The following PCNT variants were observed in gnomAD, a reference collection of about 807,000 sequenced individuals.
PCNT encodes pericentrin, also known as kendrin.
PCNT carries 319 observed loss-of-function variants against 380.4 expected under a neutral mutation model. The observed-to-expected ratio is 0.84, with a 90% confidence interval of 0.77 to 0.92. PCNT has a LOEUF of 0.92. PCNT is among the 40% of genes least tolerant of loss of function. The probability of loss-of-function intolerance (pLI) is 0.00; values close to 1 mark genes in which losing one functional copy is unlikely to be tolerated. For missense variants in PCNT, 4,400 were observed against 4,255.3 expected, an observed-to-expected ratio of 1.03 and a Z score of -0.95; for synonymous variants, 1,845 against 1,735.2, an observed-to-expected ratio of 1.06 and a Z score of -1.57.
At chr21:46,411,079 G>A (rs556901459) in intron 27 of PCNT, 110 bp from the exon 28 acceptor site, 38 of 1,150,630 alleles carry the variant, frequency 3.3e-5, no homozygotes, top group East Asian at 2.6e-4. Context: ...TGTTTTTCAC[G>A]CTATGGAGTC....
intron 2 of PCNT, among the ~76,000 whole-genome samples, chr21:46,334,191 C>T (rs1290303605): frequency 7.1e-6 from 1 of 141,602 alleles, no homozygotes; most frequent in African/African-American, 2.7e-5. Context: ...GGCGACAGAG[C>T]AAGACTCCGT....
Position 46,411,710 on chromosome 21 carries a change from T to C in PCNT, c.5637T>C (p.Ala1879=), listed in dbSNP as rs1438723441. 39 of 1,612,582 alleles carry C rather than the reference T, an allele frequency of 2.4e-5. No homozygotes were observed. The highest frequency in any genetic ancestry group is 6.7e-5 in the African/African-American group (5 of 74,930). ...CCGAGAGAAATTTAGAAATCGACGC[T>C]CTGAACCAGCGGAAGGCGGCCCACT... The part of the protein sequence containing the change: ...TIAERNLEID[A]LNQRKAAHSA... The change falls in exon 28 of 47, where the codon GCT becomes GCC. Residue 1879 remains alanine, a synonymous_variant. Transcript: ENST00000359568.
At position 46,425,902 on chromosome 21, in the gene PCNT, C is replaced by T. The variant is rs375281929; in HGVS notation, c.7251C>T (p.Ser2417=). 32 of 1,613,822 alleles carry T rather than the reference C, an allele frequency of 2.0e-5. No homozygotes were observed. Among genetic ancestry groups the T allele is most frequent in the Middle Eastern group, 1.6e-4 (1 of 6,062 alleles). The change falls in exon 33 of 47, where the codon AGC becomes AGT. Residue 2417 remains serine (S), a synonymous_variant. Transcript: ENST00000359568. This position sits in a 1 kb window ranked among gnomAD's most constrained non-coding sequence, Gnocchi z 4.2. ...LALSEGLAPP[S]GEPHPPRKED... is the part of the protein sequence containing the mutation. ...TGTCAGAAGGCCTTGCACCCCCAAG[C>T]GGCGAGCCACACCCACCCCGGAAGG...
intron 2 of PCNT, among the ~76,000 whole-genome samples, chr21:46,329,972 A>G (rs868661349): frequency 6.6e-6 from 1 of 152,204 alleles, no homozygotes; most frequent in African/African-American, 2.4e-5. Flanking sequence ...ATCAGCAGAG[A>G]CATACCTCCT....
At chr21:46,408,440 T>C (rs977035126) in intron 27 of PCNT, among the ~76,000 whole-genome samples, 1 of 152,240 alleles carries the variant, frequency 6.6e-6, no homozygotes, top group Non-Finnish European at 1.5e-5. Context: ...GGCTGATTCA[T>C]GTGTAAGTAT....
At chr21:46,359,480 G>GTTGTTTTTTTT (rs2084609442) in intron 13 of PCNT, among the ~76,000 whole-genome samples, 2 of 65,732 alleles carry the variant, frequency 3.0e-5, no homozygotes, top group Non-Finnish European at 6.8e-5. Context: ...AAATACACCT[G>GTTGTTTTTTTT]TTTTTTTTTT....
chr21:46,402,816 C>G (rs117696950), intron 27 of PCNT, among the ~76,000 whole-genome samples: 1 of 152,144 alleles, frequency 6.6e-6, no homozygotes, highest in Non-Finnish European at 1.5e-5. Flanking sequence ...GTGGCTTGCT[C>G]TTCTCAAGGA....
intron 9 of PCNT, among the ~76,000 whole-genome samples, chr21:46,351,800 A>G (rs1292438247): frequency 6.6e-6 from 1 of 152,228 alleles, no homozygotes; most frequent in African/African-American, 2.4e-5. Context: ...CAACACTTGC[A>G]GGGGGTGCCT....
At chr21:46,400,601 C>A (rs78015477) in intron 25 of PCNT, among the ~76,000 whole-genome samples, 9,946 of 132,938 alleles carry the variant, frequency 0.075, 435 homozygotes, top group Middle Eastern at 0.13. Context: ...TCACAGCAAC[C>A]TCCTCCTCCC....
intron 2 of PCNT, among the ~76,000 whole-genome samples, chr21:46,333,730 C>T (rs530952813): frequency 9.4e-5 from 14 of 149,390 alleles, no homozygotes; most frequent in African/African-American, 3.0e-4. Flanking sequence ...GTGAAACCCC[C>T]GGGAGGTTGA....
At chr21:46,430,865 C>T in intron 37 of PCNT, 1 of 985,448 alleles carries the variant, frequency 1.0e-6, no homozygotes. Context: ...GTGCGATGAC[C>T]CGTGGTGGCA....
At chr21:46,397,168 T>C in intron 21 of PCNT, 97 bp from the exon 22 acceptor site, 2 of 963,490 alleles carry the variant, frequency 2.1e-6, no homozygotes, top group Non-Finnish European at 3.3e-6. Flanking sequence ...TCATTTTCGG[T>C]GGGTTTTGAC....
chr21:46,420,402 T>A (rs2087202767), intron 31 of PCNT, among the ~76,000 whole-genome samples: 1 of 152,256 alleles, frequency 6.6e-6, no homozygotes, highest in Admixed American at 6.5e-5. Context: ...GTGTTCTGTT[T>A]CTGTGCTCAT....
At position 46,435,976 on chromosome 21, in the gene PCNT, G is replaced by C. The variant is rs1358958437; in HGVS notation, c.8824G>C (p.Glu2942Gln). The change falls in exon 39 of 47, where the codon GAG becomes CAG. Residue 2942 changes from glutamate to glutamine, a missense_variant. Transcript: ENST00000359568. ...KQLQQTVRDL[E>Q]SKDEVPGSRL... ...GCTTCAGCAGACAGTGAGAGACCTGGAGTCGAAGGACGAGGTGCCTGGCAG... is the reference window on the plus strand; with the variant it reads ...GCTTCAGCAGACAGTGAGAGACCTGCAGTCGAAGGACGAGGTGCCTGGCAG... The C allele has an allele frequency of 1.2e-6, 2 of 1,614,088 alleles. No homozygotes were observed. Among genetic ancestry groups the C allele is most frequent in the Non-Finnish European group, 1.7e-6 (2 of 1,180,042 alleles).
chr21:46,338,466 T>G (rs2083820430), intron 3 of PCNT, among the ~76,000 whole-genome samples: 1 of 152,254 alleles, frequency 6.6e-6, no homozygotes, highest in South Asian at 2.1e-4. Context: ...ATCCAAGCTT[T>G]AGATTGATCA....
At chr21:46,365,837 T>TTCAC (rs758388435) in intron 14 of PCNT, among the ~76,000 whole-genome samples, 1 of 103,556 alleles carries the variant, frequency 9.7e-6, no homozygotes, top group Non-Finnish European at 1.7e-5. Context: ...TGGGGTTCCG[T>TTCAC]TCACTGCCAC....
At chr21:46,371,623 AGG>A (rs1252432267) in intron 15 of PCNT, among the ~76,000 whole-genome samples, 2 of 152,232 alleles carry the variant, frequency 1.3e-5, no homozygotes, top group Non-Finnish European at 2.9e-5. Context: ...GTGGCCGTGA[AGG>A]GGCCTGGCTG....
rs1163623757 is a variant in PCNT, at chr21:46,334,783, C to T, written c.639+15C>T. ...TGTTCACAAAGGTATTCTTTAAGTTCTCTGTTAAGGTGTATTCTTTGTCAA... is the reference window on the plus strand; with the variant it reads ...TGTTCACAAAGGTATTCTTTAAGTTTTCTGTTAAGGTGTATTCTTTGTCAA... On this transcript the variant is annotated intron_variant, in intron 3 of 46. Transcript: ENST00000359568. The T allele has an allele frequency of 1.2e-6, 2 of 1,614,242 alleles. No individual in the cohort carries two copies. Among genetic ancestry groups the T allele is most frequent in the Middle Eastern group, 1.7e-4 (1 of 6,058 alleles).
rs1387628266 is a variant in PCNT at position 46,388,195 on chromosome 21, G to A, written c.3465-547G>A. Reference sequence around the variant, plus strand: ...ACTGCACTCCAGCCTGGGCGACAGAGCGAGACTCCATCTCAAAAAAAAAAA... The same window carrying A: ...ACTGCACTCCAGCCTGGGCGACAGAACGAGACTCCATCTCAAAAAAAAAAA... On this transcript the variant is annotated intron_variant, in intron 17 of 46. Coordinates refer to ENST00000359568, the MANE Select transcript of PCNT (RefSeq NM_006031.6). This position sits in a 1 kb window ranked among gnomAD's most constrained non-coding sequence, Gnocchi z 4.2. Among the ~76,000 whole-genome samples, 2 of 151,322 alleles carry A rather than the reference G, an allele frequency of 1.3e-5. No homozygotes were observed. The highest frequency in any genetic ancestry group is 2.4e-5 in the African/African-American group (1 of 41,178).
Sources: gnomAD v4.1 joint callset for allele counts (sites outside exome capture counted in the v4.1 genomes callset) on GRCh38, gnomAD v4.1.1 for gene constraint, Gnocchi (gnomAD v3.1) non-coding constraint, MANE v1.5 for transcripts, NCBI Gene and HGNC (gene_info 2026-07-23, HGNC 2026-07-21) for gene names.